The following INPP5A variants were observed in gnomAD, a reference collection of about 807,000 sequenced individuals.
INPP5A encodes the protein inositol polyphosphate-5-phosphatase A.
In INPP5A, 14 loss-of-function variants were observed where a neutral mutation model predicts 65.2. The ratio of observed to expected loss-of-function variants is 0.21; its 90% CI spans 0.14 to 0.34. The LOEUF is 0.34. Ranked by LOEUF, INPP5A falls within the 10% of genes least tolerant of loss-of-function variation. The probability of loss-of-function intolerance (pLI) is 1.00; values close to 1 mark genes in which losing one functional copy is unlikely to be tolerated. For missense variants in INPP5A, 431 were observed against 545.6 expected (o/e 0.79, Z 2.09); for synonymous variants, 207 against 208.3 (o/e 0.99, Z 0.05).
At chr10:132,743,547 C>T (rs1270009053) in intron 9 of INPP5A, among the ~76,000 whole-genome samples, 1 of 152,250 alleles carries the variant, frequency 6.6e-6, no homozygotes, top group Admixed American at 6.5e-5. Context: ...TCCCTCCATT[C>T]ATTCATTTGT....
chr10:132,764,101 G>T (rs1004209238), intron 11 of INPP5A, among the ~76,000 whole-genome samples: 3 of 152,400 alleles, frequency 2.0e-5, no homozygotes, highest in Non-Finnish European at 2.9e-5. Context: ...GAGGCAGGAG[G>T]CAGTGGGGCT....
intron 1 of INPP5A, among the ~76,000 whole-genome samples, chr10:132,590,576 C>T (rs2071607257): frequency 6.6e-6 from 1 of 152,262 alleles, no homozygotes; most frequent in Non-Finnish European, 1.5e-5. Context: ...CCATGCTGGT[C>T]GCACCCTCCA....
In INPP5A at chr10:132,567,032, G is replaced by A. The variant is rs531275352; in HGVS notation, c.75+28861G>A. On this transcript the variant is annotated intron_variant, in intron 1 of 15. Transcript: ENST00000368594. ...GGCACAGGGTATTAGTCCGGCTCCT[G>A]TAGGCTGCAGTAACAGAACCCCTCA... is the stretch of plus-strand genomic sequence containing the variant. Among the ~76,000 whole-genome samples, 25 of 152,366 alleles carry A rather than the reference G, an allele frequency of 1.6e-4. No individual in the cohort carries two copies. The South Asian group carries it at 5.2e-3, about 32-fold the overall frequency.
intron 2 of INPP5A, among the ~76,000 whole-genome samples, chr10:132,630,670 A>ATGAGGGGAAGACATCAG (rs2072256587): frequency 7.5e-6 from 1 of 132,642 alleles, no homozygotes; most frequent in African/African-American, 2.8e-5. Context: ...GAAGACATCC[A>ATGAGGGGAAGACATCAG]TGAGGGGAAG....
At chr10:132,642,007 C>T (rs968228086) in intron 2 of INPP5A, among the ~76,000 whole-genome samples, 2 of 152,238 alleles carry the variant, frequency 1.3e-5, no homozygotes, top group African/African-American at 4.8e-5. Flanking sequence ...TGGCGCATCA[C>T]GGTTCAGGGC....
At chr10:132,630,302 G>T (rs569594181) in intron 2 of INPP5A, among the ~76,000 whole-genome samples, 115 of 151,546 alleles carry the variant, frequency 7.6e-4, no homozygotes, top group Admixed American at 4.7e-3. Context: ...CATCCTCCAG[G>T]GATATGTGTC....
chr10:132,637,630 T>C lies in INPP5A; in HGVS notation c.118-8238T>C, dbSNP rs1447726317. Among the ~76,000 whole-genome samples the C allele has an allele frequency of 6.6e-6, 1 of 152,178 alleles. No individual in the cohort carries two copies. The highest frequency in any genetic ancestry group is 1.5e-5 in the Non-Finnish European group (1 of 68,030). Reference sequence around the variant, plus strand: ...TGTTGGGGTTTCCTTCCAGTGACTCTCCTGGCGCCTGCTGTGGCTGTCCTC... The same window carrying C: ...TGTTGGGGTTTCCTTCCAGTGACTCCCCTGGCGCCTGCTGTGGCTGTCCTC... On this transcript the variant is annotated intron_variant, in intron 2 of 15. Transcript: ENST00000368594. The surrounding 1 kb of genome is among the most constrained non-coding windows in gnomAD (Gnocchi z 4.1).
At chr10:132,732,848 C>T (rs894635143) in intron 9 of INPP5A, among the ~76,000 whole-genome samples, 2 of 152,148 alleles carry the variant, frequency 1.3e-5, no homozygotes, top group South Asian at 2.1e-4. Flanking sequence ...CATCTGTTGA[C>T]GTGGAATGTG....
intron 9 of INPP5A, among the ~76,000 whole-genome samples, chr10:132,730,160 T>A (rs1235625408): frequency 6.6e-6 from 1 of 152,258 alleles, no homozygotes; most frequent in African/African-American, 2.4e-5. Flanking sequence ...TCCAGCAGCC[T>A]GGGTCCACCT....
chr10:132,623,114 AT>A (rs200321173), intron 2 of INPP5A, among the ~76,000 whole-genome samples: 42 of 150,694 alleles, frequency 2.8e-4, no homozygotes, highest in Middle Eastern at 3.4e-3. Flanking sequence ...TCTCAGCAGG[AT>A]TTTTTTTTTG....
chr10:132,732,204 C>T (rs535491943), intron 9 of INPP5A, among the ~76,000 whole-genome samples: 7 of 152,336 alleles, frequency 4.6e-5, no homozygotes, highest in Admixed American at 2.6e-4. Flanking sequence ...TACTGTTCTG[C>T]GCTGTTTGTC....
rs57137522 is a variant in INPP5A at position 132,620,035 on chromosome 10, C to G, written c.117+12079C>G. Among the ~76,000 whole-genome samples, 432 of 152,300 alleles carry G rather than the reference C, an allele frequency of 2.8e-3. 2 individuals are homozygous for G. Among genetic ancestry groups the G allele is most frequent in the African/African-American group, 9.9e-3 (413 of 41,564 alleles). On this transcript the variant is annotated intron_variant, in intron 2 of 15. Coordinates refer to ENST00000368594, the MANE Select transcript of INPP5A (RefSeq NM_005539.5). ...GGCAGCCTGGGCTGTGTCTGGGGCC[C>G]TTTGAGCTGAGGCTGGAGCTGGAAC...
intron 1 of INPP5A, among the ~76,000 whole-genome samples, chr10:132,589,498 A>G (rs920062771): frequency 1.3e-5 from 2 of 152,234 alleles, no homozygotes; most frequent in Admixed American, 1.3e-4. Context: ...GTCCTTCCTC[A>G]GGCCCCACTG....
At chr10:132,611,942 C>CA (rs2071962298) in intron 2 of INPP5A, among the ~76,000 whole-genome samples, 1 of 134,212 alleles carries the variant, frequency 7.5e-6, no homozygotes, top group African/African-American at 2.9e-5. Context: ...GAGGCCCTGT[C>CA]AGAGGAGGGT....
chr10:132,710,134 AAG>A (rs1845608707), intron 7 of INPP5A, among the ~76,000 whole-genome samples: 1 of 152,240 alleles, frequency 6.6e-6, no homozygotes, highest in South Asian at 2.1e-4. Flanking sequence ...TGCATTTGTA[AAG>A]ACATATTCAG....
At chr10:132,720,694 A>G (rs1240059352) in intron 8 of INPP5A, among the ~76,000 whole-genome samples, 11 of 111,410 alleles carry the variant, frequency 9.9e-5, no homozygotes, top group Non-Finnish European at 1.3e-4. Context: ...TTCTGGGGGC[A>G]CCTTAGACAG....
At chr10:132,639,013 T>C (rs1564944439) in intron 2 of INPP5A, among the ~76,000 whole-genome samples, 1 of 152,180 alleles carries the variant, frequency 6.6e-6, no homozygotes, top group Non-Finnish European at 1.5e-5. Flanking sequence ...GGAGCAAATT[T>C]TTGGGACTAG....
intron 2 of INPP5A, among the ~76,000 whole-genome samples, chr10:132,634,022 G>T (rs1187805155): frequency 6.6e-6 from 1 of 152,116 alleles, no homozygotes; most frequent in African/African-American, 2.4e-5. Flanking sequence ...TATTTCAGTA[G>T]GTATTTCAAA....
In INPP5A at chr10:132,676,162, A is replaced by C. The variant is rs563208147; in HGVS notation, c.307-14230A>C. 6.6e-6 allele frequency among the ~76,000 whole-genome samples: 1 copy of C among 152,352 alleles called. No individual in the cohort carries two copies. Among genetic ancestry groups the C allele is most frequent in the South Asian group, 2.1e-4 (1 of 4,830 alleles). ...TTCTTTGTTCATTATTGAAATTTTC[A>C]ATTTGTGAAATATTTATTATTCAAA... On this transcript the variant is annotated intron_variant, in intron 4 of 15. Transcript: ENST00000368594. The surrounding 1 kb of genome is among the most constrained non-coding windows in gnomAD (Gnocchi z 4.0).
Sources: gnomAD v4.1 joint callset for allele counts (sites outside exome capture counted in the v4.1 genomes callset) on GRCh38, gnomAD v4.1.1 for gene constraint, Gnocchi (gnomAD v3.1) non-coding constraint, MANE v1.5 for transcripts, NCBI Gene and HGNC (gene_info 2026-07-23, HGNC 2026-07-21) for gene names.